The following AKAP13 variants were observed in gnomAD, a reference collection of about 807,000 sequenced individuals.
AKAP13 encodes the protein A-kinase anchor protein 13.
In AKAP13, 80 loss-of-function variants were observed where a neutral mutation model predicts 264.5. That is an observed-to-expected ratio of 0.30 (90% CI 0.25 to 0.36). The LOEUF (loss-of-function observed/expected upper bound fraction) is 0.36. Among genes scored for constraint, AKAP13 ranks in the 10% least tolerant of loss-of-function variants. The pLI, the probability that AKAP13 is intolerant of heterozygous loss-of-function variation, is 1.00. For synonymous variants in AKAP13, 1,380 were observed against 1,250.2 expected, an observed-to-expected ratio of 1.10 and a Z score of -2.19; for missense variants, 3,712 against 3,435.2, an observed-to-expected ratio of 1.08 and a Z score of -2.01.
At chr15:85,393,511 A>G (rs1295779540) in intron 1 of AKAP13, among the ~76,000 whole-genome samples, 2 of 152,240 alleles carry the variant, frequency 1.3e-5, no homozygotes, top group African/African-American at 2.4e-5. Context: ...AATAGTGTGT[A>G]TGTCCAGTCT....
At chr15:85,539,615 C>T (rs1485094384) in intron 4 of AKAP13, among the ~76,000 whole-genome samples, 1 of 152,174 alleles carries the variant, frequency 6.6e-6, no homozygotes, top group Non-Finnish European at 1.5e-5. Context: ...AACCCTCTAG[C>T]AGGCTCATCA....
At chr15:85,433,993 A>G (rs929994728) in intron 1 of AKAP13, among the ~76,000 whole-genome samples, 2 of 151,994 alleles carry the variant, frequency 1.3e-5, no homozygotes, top group Non-Finnish European at 2.9e-5. Context: ...GAATAGGAAC[A>G]GCTCCGGTCT....
chr15:85,732,019 G>GT (rs2088078827), intron 30 of AKAP13, among the ~76,000 whole-genome samples: 1 of 148,462 alleles, frequency 6.7e-6, no homozygotes, highest in African/African-American at 2.5e-5. Context: ...GGAAGCAGAG[G>GT]TTGTAGTGAG....
chr15:85,413,365 G>C (rs148212514), intron 1 of AKAP13, among the ~76,000 whole-genome samples: 1 of 152,318 alleles, frequency 6.6e-6, no homozygotes, highest in Non-Finnish European at 1.5e-5. Flanking sequence ...CAAGGTTGGA[G>C]AGATTTTTCA....
chr15:85,625,422 G>A (rs1160150901), intron 8 of AKAP13, among the ~76,000 whole-genome samples: 1 of 152,200 alleles, frequency 6.6e-6, no homozygotes, highest in East Asian at 1.9e-4. Context: ...ACTGAGAAGA[G>A]TGTTGATAGT....
At chr15:85,499,788 C>CA (rs2075991969) in intron 2 of AKAP13, among the ~76,000 whole-genome samples, 1 of 152,136 alleles carries the variant, frequency 6.6e-6, no homozygotes, top group Non-Finnish European at 1.5e-5. Flanking sequence ...TCCTATGCCC[C>CA]GGCTACTCTG....
In AKAP13 at chr15:85,715,948, C is replaced by T. The variant is rs764077159; in HGVS notation, c.5735+25C>T. The T allele has an allele frequency of 7.5e-6, 12 of 1,601,504 alleles. No individual in the cohort carries two copies. The South Asian group carries it at 1.1e-4, about 15-fold the overall frequency. On this transcript the variant is annotated intron_variant, in intron 20 of 36. Transcript: ENST00000394518. ...GGTAAGTGGAGATATTTAAAGATAG[C>T]ACAGTTGGCATCTAGGTGACCAGAG... is the stretch of plus-strand genomic sequence containing the variant.
At chr15:85,410,111 A>G (rs948183022) in intron 1 of AKAP13, among the ~76,000 whole-genome samples, 1 of 151,734 alleles carries the variant, frequency 6.6e-6, no homozygotes, top group Non-Finnish European at 1.5e-5. Flanking sequence ...TTTCCTTTCT[A>G]GGTATGATTT....
chr15:85,418,067 C>CATTATTATT (rs34170000), intron 1 of AKAP13, among the ~76,000 whole-genome samples: 7 of 133,910 alleles, frequency 5.2e-5, no homozygotes, highest in South Asian at 2.2e-4. Context: ...TTATTATTAT[C>CATTATTATT]ATTATTATTA....
rs780393183 is a variant in AKAP13 at position 85,579,668 on chromosome 15, C to T, written c.1600C>T (p.Pro534Ser). 25 of 1,614,082 alleles carry T rather than the reference C, an allele frequency of 1.5e-5. No homozygotes were observed. Among genetic ancestry groups the T allele is most frequent in the Non-Finnish European group, 2.1e-5 (25 of 1,180,034 alleles). Residue 534 changes from proline to serine, a missense_variant, in exon 7 of 37, where the codon CCA becomes TCA. Pro to Ser is a moderately conservative substitution (Grantham distance 74). Around this residue, in one of 3 missense-constraint regions of AKAP13, gnomAD observed 2,759 missense variants for 2,411.7 expected, o/e 1.14. Coordinates refer to ENST00000394518, the MANE Select transcript of AKAP13 (RefSeq NM_007200.5). Reference sequence around the variant, plus strand: ...TAAGCCTGTGGATAAAATCAGTGTTCCAAACTGTGCCCCTGCTGCCAGTTC... The same window carrying T: ...TAAGCCTGTGGATAAAATCAGTGTTTCAAACTGTGCCCCTGCTGCCAGTTC... ...TSKPVDKISV[P>S]NCAPAASSLD...
intron 1 of AKAP13, among the ~76,000 whole-genome samples, chr15:85,454,205 T>C (rs1392755881): frequency 1.3e-5 from 2 of 152,088 alleles, no homozygotes; most frequent in Non-Finnish European, 2.9e-5. Context: ...CTGCTGGAGG[T>C]ACAGCTACTT....
At chr15:85,617,190 A>G (rs1026530850) in intron 8 of AKAP13, among the ~76,000 whole-genome samples, 1 of 152,218 alleles carries the variant, frequency 6.6e-6, no homozygotes, top group African/African-American at 2.4e-5. Context: ...AATTATCTGC[A>G]TGTAAGTCAC....
chr15:85,595,199 A>G (rs535395930), intron 8 of AKAP13, among the ~76,000 whole-genome samples: 2 of 152,216 alleles, frequency 1.3e-5, no homozygotes, highest in East Asian at 1.9e-4. Flanking sequence ...TCCTGGGCTC[A>G]AGTGATACTC....
rs537359732 is a variant in AKAP13, at chr15:85,438,956, A to G, written c.-11-46754A>G. ...CCAAAAGCAATGGCAACAAAAGCCA[A>G]AATTGACAAATGGGATCTAATTAAA... On this transcript the variant is annotated intron_variant, in intron 1 of 36. Coordinates refer to ENST00000394518, the MANE Select transcript of AKAP13 (RefSeq NM_007200.5). Among the ~76,000 whole-genome samples the G allele has an allele frequency of 2.0e-3, 290 of 145,184 alleles. 6 individuals carry two copies. Among genetic ancestry groups the G allele is most frequent in the Middle Eastern group, 0.017 (5 of 290 alleles).
rs1161945639 is a variant in AKAP13, at chr15:85,435,392, GCAGGATATTATC to G, written c.-11-50312_-11-50301del. On this transcript the variant is annotated intron_variant, in intron 1 of 36. Transcript: ENST00000394518. ...ATGGAACCAAGTTGGAAAACACTCT[GCAGGATATTATC>G]CAGGAGAACTTCCCCAATCTAGCAA... is the stretch of plus-strand genomic sequence containing the variant. 2.5e-5 allele frequency among the ~76,000 whole-genome samples: 3 copies of G among 119,596 alleles called. No individual in the cohort carries two copies. In the Admixed American group the frequency reaches 2.8e-4, roughly 11 times the overall value. The allele number at this position is 119,596 out of a possible 152,430, so 78.5% of individuals were successfully genotyped here. A position where few individuals can be genotyped will look rare whatever the true frequency, so the allele number is the denominator to read the frequency against.
At chr15:85,646,721 C>T (rs1384601063) in intron 10 of AKAP13, among the ~76,000 whole-genome samples, 1 of 152,138 alleles carries the variant, frequency 6.6e-6, no homozygotes, top group African/African-American at 2.4e-5. Context: ...TCTAGCCTGC[C>T]TAATTGGAAC....
chr15:85,546,597 A>T (rs1186622461), intron 5 of AKAP13, among the ~76,000 whole-genome samples: 1 of 152,200 alleles, frequency 6.6e-6, no homozygotes, highest in Non-Finnish European at 1.5e-5. Context: ...GTGGCCCAAG[A>T]ATAGACTTCA....
intron 1 of AKAP13, among the ~76,000 whole-genome samples, chr15:85,408,096 G>C (rs1205327222): frequency 6.6e-6 from 1 of 151,598 alleles, no homozygotes; most frequent in Non-Finnish European, 1.5e-5. Context: ...TGCACTGAGG[G>C]GCATGATTCA....
At chr15:85,452,319 G>A (rs1009412337) in intron 1 of AKAP13, among the ~76,000 whole-genome samples, 2 of 150,932 alleles carry the variant, frequency 1.3e-5, no homozygotes, top group Admixed American at 6.6e-5. Context: ...TCATCATCCC[G>A]AATCTCAATG....
Sources: allele counts gnomAD v4.1 joint callset (sites outside exome capture counted in the v4.1 genomes callset), GRCh38; gene constraint gnomAD v4.1.1; regional missense constraint gnomAD v4.1.1; transcripts MANE v1.5; gene names NCBI Gene and HGNC (gene_info 2026-07-23, HGNC 2026-07-21).